The following TUBB4A variants were observed in gnomAD, a reference collection of about 807,000 sequenced individuals.
TUBB4A encodes the protein tubulin beta-4A chain.
In TUBB4A, 13 loss-of-function variants were observed where a neutral mutation model predicts 35.1. The observed-to-expected ratio is 0.37, with a 90% CI of 0.24 to 0.59. The LOEUF is 0.59. Ranked by LOEUF, TUBB4A falls within the 20% of genes least tolerant of loss-of-function variation. The probability of loss-of-function intolerance (pLI) is 0.71; values close to 1 mark genes in which losing one functional copy is unlikely to be tolerated. For synonymous variants in TUBB4A, 279 were observed against 272.4 expected, an observed-to-expected ratio of 1.02 and a Z score of -0.24; for missense variants, 299 against 647.2, an observed-to-expected ratio of 0.46 and a Z score of 5.84.
rs1914570855 is a variant in TUBB4A, at chr19:6,502,235, G to A, written c.-23C>T. On this transcript the variant is annotated 5_prime_UTR_variant, in exon 1 of 4. Transcript: ENST00000264071. ...CATGGCGGTGGCGCTGAGGGTGGACGCGGCGGCGGTGGCACGAGCGCGGGG... is the reference window on the plus strand; with the variant it reads ...CATGGCGGTGGCGCTGAGGGTGGACACGGCGGCGGTGGCACGAGCGCGGGG... 6.6e-7 allele frequency: 1 copy of A among 1,514,556 alleles called. No individual in the cohort carries two copies. Among genetic ancestry groups the A allele is most frequent in the Non-Finnish European group, 8.8e-7 (1 of 1,139,930 alleles). 93.8% of individuals were successfully genotyped at this position (1,514,556 alleles called of 1,614,324 possible).
At chr19:6,497,027 ATATATATATATAT>A (rs1172629057) in intron 3 of TUBB4A, among the ~76,000 whole-genome samples, 8 of 15,970 alleles carry the variant, frequency 5.0e-4, no homozygotes, top group Non-Finnish European at 6.0e-4. Flanking sequence ...AAAAAAAAAT[ATATATATATATAT>A]ATATATATAT....
intron 3 of TUBB4A, among the ~76,000 whole-genome samples, chr19:6,500,181 T>A (rs1914466609): frequency 6.6e-6 from 1 of 152,116 alleles, no homozygotes; most frequent in Non-Finnish European, 1.5e-5. Flanking sequence ...CAGGCTGGAG[T>A]GCAGTGGCAC....
rs1304386125 is a variant in TUBB4A at position 6,495,662 on chromosome 19, C to T, written c.837G>A (p.Gln279=). The part of the protein sequence containing the change: ...GFAPLTSRGS[Q]QYRALTVPEL... ...CGGGCACCGTCAGGGCCCGGTACTG[C>T]TGGCTGCCCCGGCTGGTCAGGGGTG... Residue 279 remains glutamine, a synonymous_variant, in exon 4 of 4, where the codon CAG becomes CAA. Transcript: ENST00000264071. The surrounding 1 kb of genome is among the most constrained non-coding windows in gnomAD (Gnocchi z 8.7). 1.9e-6 allele frequency: 3 copies of T among 1,613,986 alleles called. No individual in the cohort carries two copies. The highest frequency in any genetic ancestry group is 2.5e-6 in the Non-Finnish European group (3 of 1,179,966).
At position 6,495,406 on chromosome 19, in the gene TUBB4A, C is replaced by T. The variant is rs750399286; in HGVS notation, c.1093G>A (p.Ala365Thr). 4 of 1,613,934 alleles carry T rather than the reference C, an allele frequency of 2.5e-6. No individual in the cohort carries two copies. Among genetic ancestry groups the T allele is most frequent in the South Asian group, 2.2e-5 (2 of 91,084 alleles). Residue 365 changes from alanine (A) to threonine (T), a missense_variant, in exon 4 of 4, where the codon GCG becomes ACG. Transcript: ENST00000264071. This position sits in a 1 kb window ranked among gnomAD's most constrained non-coding sequence, Gnocchi z 8.7. ...DIPPRGLKMA[A>T]TFIGNSTAIQ... ...GCCGTGCTGTTGCCGATGAAGGTCG[C>T]GGCCATCTTCAGGCCGCGGGGCGGG...
intron 3 of TUBB4A, among the ~76,000 whole-genome samples, chr19:6,499,602 C>G (rs1490711911): frequency 5.3e-5 from 8 of 152,166 alleles, no homozygotes; most frequent in Admixed American, 5.2e-4. Flanking sequence ...GTGTGGACAC[C>G]CCACTATCTT....
At chr19:6,500,324 G>A (rs926691412) in intron 3 of TUBB4A, among the ~76,000 whole-genome samples, 10 of 152,008 alleles carry the variant, frequency 6.6e-5, no homozygotes, top group Non-Finnish European at 1.2e-4. Flanking sequence ...TGTAGAGACA[G>A]GGTCTCACCA....
chr19:6,500,916 T>G, intron 3 of TUBB4A: 1 of 205,942 alleles, frequency 4.9e-6, no homozygotes. Flanking sequence ...GCTCCGGCTG[T>G]TTGATTCTTA....
At chr19:6,499,510 A>G (rs1247950333) in intron 3 of TUBB4A, among the ~76,000 whole-genome samples, 1 of 152,112 alleles carries the variant, frequency 6.6e-6, no homozygotes, top group Non-Finnish European at 1.5e-5. Flanking sequence ...ACATGCTGGG[A>G]GTATTGGAGG....
Position 6,502,262 on chromosome 19 carries a change from G to A in TUBB4A, c.-50C>T. The stretch of plus-strand genomic sequence containing the variant: ...GGCGGCGGTGGCACGAGCGCGGGGA[G>A]CTGCGGCGGCGGCGAGGGTGGAAGA... On this transcript the variant is annotated 5_prime_UTR_variant, in exon 1 of 4. Coordinates refer to ENST00000264071, the MANE Select transcript of TUBB4A (RefSeq NM_006087.4). 2.0e-6 allele frequency: 3 copies of A among 1,475,124 alleles called. No individual in the cohort carries two copies. Among genetic ancestry groups the A allele is most frequent in the Non-Finnish European group, 2.7e-6 (3 of 1,121,152 alleles). The allele number at this position is 1,475,124 out of a possible 1,614,324, so 91.4% of individuals were successfully genotyped here.
chr19:6,496,240 G>A lies in TUBB4A; in HGVS notation c.278-19C>T, dbSNP rs902910254. ...GATTGGCCTAGAGAGGGAAGGGGAG[G>A]GGACACACATGCAGTTATGGGGAGC... On this transcript the variant is annotated intron_variant, in intron 3 of 3. Transcript: ENST00000264071. The A allele has an allele frequency of 1.9e-6, 3 of 1,592,622 alleles. No individual in the cohort carries two copies. The highest frequency in any genetic ancestry group is 2.2e-5 in the East Asian group (1 of 44,606).
At chr19:6,502,699 C>G (rs1042194479), upstream of TUBB4A, 1 of 156,336 alleles carries the variant, frequency 6.4e-6, no homozygotes, top group Admixed American at 6.5e-5. Flanking sequence ...CGGTCCGCAG[C>G]CCCCCTTCTC....
intron 3 of TUBB4A, chr19:6,496,562 C>T (rs962854991): frequency 5.7e-5 from 11 of 194,112 alleles, no homozygotes; most frequent in South Asian, 3.1e-4. Context: ...ACCCAGGAGG[C>T]GGAACTTGCA....
rs1914042165 is a variant in TUBB4A, at chr19:6,494,859, G to T, written c.*305C>A. ...GAGGTCAAAGGTGAAGCAGAAGTCA[G>T]GGGTGAAGGAAGGTCTGCAAAGTTA... On this transcript the variant is annotated 3_prime_UTR_variant, in exon 4 of 4. Coordinates refer to ENST00000264071, the MANE Select transcript of TUBB4A (RefSeq NM_006087.4). 1 of 500,360 alleles carries T rather than the reference G, an allele frequency of 2.0e-6. No homozygotes were observed. The highest frequency in any genetic ancestry group is 3.3e-5 in the Admixed American group (1 of 30,066). The allele number at this position is 500,360 out of a possible 1,614,324, so 31.0% of individuals were successfully genotyped here.
In TUBB4A at chr19:6,501,499, G is replaced by A; in HGVS notation, c.166+16C>T. The A allele has an allele frequency of 6.2e-7, 1 of 1,611,298 alleles. No homozygotes were observed. The highest frequency in any genetic ancestry group is 8.5e-7 in the Non-Finnish European group (1 of 1,178,116). On this transcript the variant is annotated intron_variant, in intron 2 of 3. Coordinates refer to ENST00000264071, the MANE Select transcript of TUBB4A (RefSeq NM_006087.4). The surrounding 1 kb of genome is among the most constrained non-coding windows in gnomAD (Gnocchi z 4.2). ...AGCTGCCCCTTCCCACCTGGAAGGT[G>A]CCTCCTTCGCCCTACCTGTGGCCTC...
In TUBB4A at chr19:6,500,457, A is replaced by G. The variant is rs148019021; in HGVS notation, c.277+830T>C. 3.3e-3 allele frequency among the ~76,000 whole-genome samples: 508 copies of G among 152,258 alleles called. 3 individuals are homozygous for G. Among genetic ancestry groups the G allele is most frequent in the African/African-American group, 0.011 (475 of 41,558 alleles). ...TGAAATCCCTGTTTTAAAGACGAGG[A>G]GGCCGGGCAAGGTGGCTCATGCTTG... is the stretch of plus-strand genomic sequence containing the variant. On this transcript the variant is annotated intron_variant, in intron 3 of 3. Coordinates refer to ENST00000264071, the MANE Select transcript of TUBB4A (RefSeq NM_006087.4).
chr19:6,495,518 G>C lies in TUBB4A; in HGVS notation c.981C>G (p.Asp327Glu). ...FRGRMSMKEV[D>E]EQMLSVQSKN... Reference sequence around the variant, plus strand: ...TGCTCTGCACGCTCAGCATCTGCTCGTCCACCTCCTTCATGGACATGCGGC... The same window carrying C: ...TGCTCTGCACGCTCAGCATCTGCTCCTCCACCTCCTTCATGGACATGCGGC... Residue 327 changes from aspartate (D) to glutamate (E), a missense_variant, in exon 4 of 4, where the codon GAC (aspartate) becomes GAG (glutamate). Asp to Glu is a conservative substitution (Grantham distance 45, BLOSUM62 2). Coordinates refer to ENST00000264071, the MANE Select transcript of TUBB4A (RefSeq NM_006087.4). This position sits in a 1 kb window ranked among gnomAD's most constrained non-coding sequence, Gnocchi z 8.7. 1 of 1,614,166 alleles carries C rather than the reference G, an allele frequency of 6.2e-7. No individual in the cohort carries two copies.
chr19:6,496,343 C>T, intron 3 of TUBB4A, 122 bp from the exon 4 acceptor site: 1 of 1,007,476 alleles, frequency 9.9e-7, no homozygotes, highest in Non-Finnish European at 1.4e-6. Flanking sequence ...AAAATAATAA[C>T]AAATAGCCGG....
chr19:6,502,284 A>C lies in TUBB4A; in HGVS notation c.-72T>G. 1 of 1,447,840 alleles carries C rather than the reference A, an allele frequency of 6.9e-7. No individual in the cohort carries two copies. The highest frequency in any genetic ancestry group is 9.0e-7 in the Non-Finnish European group (1 of 1,105,178). 89.7% of individuals were successfully genotyped at this position (1,447,840 alleles called of 1,614,324 possible). ...GGAGCTGCGGCGGCGGCGAGGGTGG[A>C]AGATGCGGCGGAGACGGCGGAGCAC... On this transcript the variant is annotated 5_prime_UTR_variant, in exon 1 of 4. Transcript: ENST00000264071.
At chr19:6,499,720 AC>A (rs1284409979) in intron 3 of TUBB4A, among the ~76,000 whole-genome samples, 1 of 152,112 alleles carries the variant, frequency 6.6e-6, no homozygotes, top group East Asian at 1.9e-4. Context: ...GAAAACAACG[AC>A]AAATGCTTAT....
Sources: allele counts gnomAD v4.1 joint callset (sites outside exome capture counted in the v4.1 genomes callset), GRCh38; gene constraint gnomAD v4.1.1; non-coding constraint Gnocchi (gnomAD v3.1); transcripts MANE v1.5; gene names NCBI Gene and HGNC (gene_info 2026-07-23, HGNC 2026-07-21).